The following AXL variants were observed in gnomAD, a reference collection of about 807,000 sequenced individuals.
AXL encodes the protein AXL receptor tyrosine kinase, also known as tyrosine-protein kinase receptor UFO.
In AXL, 52 loss-of-function variants were observed where a neutral mutation model predicts 104.5. The ratio of observed to expected loss-of-function variants is 0.50; its 90% CI spans 0.40 to 0.63. The LOEUF (loss-of-function observed/expected upper bound fraction) is 0.63, where lower values mean the gene tolerates loss of function less well. Ranked by LOEUF, AXL falls within the 20% of genes least tolerant of loss-of-function variation. AXL has a pLI of 0.00. For missense variants in AXL, 1,024 were observed against 1,188.5 expected (o/e 0.86, Z 2.04); for synonymous variants, 455 against 473.7 (o/e 0.96, Z 0.51).
chr19:41,254,538 G>T (rs2034423928), intron 17 of AXL, among the ~76,000 whole-genome samples: 1 of 151,822 alleles, frequency 6.6e-6, no homozygotes, highest in African/African-American at 2.4e-5. Context: ...AAGAAAAAAA[G>T]AAAAGAAAGA....
Position 41,259,747 on chromosome 19 carries a change from C to A in AXL, c.2528C>A (p.Pro843Gln). Residue 843 changes from proline (P) to glutamine (Q), a missense_variant, in exon 20 of 20, where the codon CCA (proline) becomes CAA (glutamine). By Grantham distance (76) the Pro-to-Gln change is moderately conservative. Around this residue, in one of 5 missense-constraint regions of AXL, gnomAD observed 523 missense variants for 636.0 expected, o/e 0.82. Transcript: ENST00000301178. ...PPGAAGGADP[P>Q]TQPDPKDSCS... is the part of the protein sequence containing the mutation. ...GGAGCTGCAGGAGGAGCTGACCCCC[C>A]AACCCAGCCAGACCCTAAGGATTCC... 6.2e-7 allele frequency: 1 copy of A among 1,614,118 alleles called. No individual in the cohort carries two copies. The highest frequency in any genetic ancestry group is 8.5e-7 in the Non-Finnish European group (1 of 1,180,014).
intron 10 of AXL, among the ~76,000 whole-genome samples, chr19:41,240,659 G>A (rs761630644): frequency 4.6e-5 from 7 of 151,886 alleles, no homozygotes; most frequent in Non-Finnish European, 8.8e-5. Flanking sequence ...CTTCACATAC[G>A]CTTTCCACGC....
At chr19:41,241,324 C>G (rs1051892159) in intron 10 of AXL, among the ~76,000 whole-genome samples, 1 of 152,118 alleles carries the variant, frequency 6.6e-6, no homozygotes, top group South Asian at 2.1e-4. Context: ...AGGTGGATCA[C>G]CTGAGGTCAG....
intron 6 of AXL, among the ~76,000 whole-genome samples, chr19:41,235,640 G>A (rs1227178875): frequency 6.6e-6 from 1 of 152,144 alleles, no homozygotes; most frequent in African/African-American, 2.4e-5. Context: ...TACCATTACT[G>A]ATATTCTTAC....
intron 4 of AXL, chr19:41,226,775 G>A: frequency 1.0e-6 from 1 of 985,676 alleles, no homozygotes; most frequent in Non-Finnish European, 1.2e-6. Flanking sequence ...TAAACAACAC[G>A]CAGAACTGCA....
At chr19:41,235,229 T>G (rs1274909005) in intron 6 of AXL, among the ~76,000 whole-genome samples, 1 of 152,032 alleles carries the variant, frequency 6.6e-6, no homozygotes, top group Non-Finnish European at 1.5e-5. Context: ...TGCATGCCTG[T>G]AATCCTAGCT....
At chr19:41,222,838 G>A (rs939729665) in intron 4 of AXL, among the ~76,000 whole-genome samples, 25 of 150,878 alleles carry the variant, frequency 1.7e-4, no homozygotes, top group African/African-American at 3.9e-4. Flanking sequence ...CCCGAGAGGC[G>A]GAGCTTGCAG....
In AXL at chr19:41,231,655, G is replaced by A. The variant is rs376044155; in HGVS notation, c.783+357G>A. Among the ~76,000 whole-genome samples the A allele has an allele frequency of 3.0e-4, 46 of 152,186 alleles. 1 individual carries two copies. In the South Asian group the frequency reaches 7.9e-3, roughly 26 times the overall value. ...AAATTTAACAAAATTGGCCAGGCGC[G>A]GTGGCTCACACCTGTAATCCCAGCA... On this transcript the variant is annotated intron_variant, in intron 6 of 19. Transcript: ENST00000301178.
intron 7 of AXL, 66 bp downstream of exon 7, chr19:41,238,220 C>T: frequency 1.3e-6 from 2 of 1,550,784 alleles, no homozygotes; most frequent in Non-Finnish European, 1.8e-6. Flanking sequence ...TCAGTGCCAC[C>T]CCCATTGTCC....
chr19:41,227,497 T>C (rs2033903177), intron 4 of AXL, among the ~76,000 whole-genome samples: 1 of 151,568 alleles, frequency 6.6e-6, no homozygotes, highest in South Asian at 2.1e-4. Context: ...CCTTTTTTTT[T>C]TTTTTTTAGA....
intron 4 of AXL, among the ~76,000 whole-genome samples, chr19:41,229,573 A>G (rs1034614953): frequency 2.5e-4 from 38 of 152,178 alleles, no homozygotes; most frequent in African/African-American, 6.5e-4. Flanking sequence ...CCAAGCTCCA[A>G]TATTAACAGG....
At chr19:41,237,820 A>G in intron 6 of AXL, 124 bp from the exon 7 acceptor site, 1 of 851,540 alleles carries the variant, frequency 1.2e-6, no homozygotes, top group Non-Finnish European at 1.9e-6. Context: ...CTAGCATGGC[A>G]CTGCAACACA....
At chr19:41,248,144 G>A (rs186082334) in intron 12 of AXL, among the ~76,000 whole-genome samples, 2 of 152,046 alleles carry the variant, frequency 1.3e-5, no homozygotes, top group Non-Finnish European at 1.5e-5. Context: ...GGCTGGTCTT[G>A]AACTCCTGGA....
At position 41,253,684 on chromosome 19, in the gene AXL, G is replaced by C. The variant is rs1345126131; in HGVS notation, c.2012G>C (p.Arg671Pro). ...CTGAGTACCAAGAGATTCATACACC[G>C]GGACCTGGCGGCCAGGAACTGCATG... ...EYLSTKRFIHRDLAARNCMLN... is the reference protein window; with the variant it reads ...EYLSTKRFIHPDLAARNCMLN... The change falls in exon 17 of 20, where the codon CGG (arginine) becomes CCG (proline). Residue 671 changes from arginine (R) to proline (P), a missense_variant. By Grantham distance (103) the Arg-to-Pro change is moderately radical. This residue lies in a region of AXL where 523 missense variants were observed against 636.0 expected (regional missense o/e 0.82). Coordinates refer to ENST00000301178, the MANE Select transcript of AXL (RefSeq NM_021913.5). The C allele has an allele frequency of 6.2e-7, 1 of 1,613,352 alleles. No individual in the cohort carries two copies. The highest frequency in any genetic ancestry group is 8.5e-7 in the Non-Finnish European group (1 of 1,179,786).
At position 41,254,992 on chromosome 19, in the gene AXL, C is replaced by A. The variant is rs145965051; in HGVS notation, c.2036+1284C>A. 6.6e-3 allele frequency among the ~76,000 whole-genome samples: 1,011 copies of A among 152,262 alleles called. 12 individuals are homozygous for A. Among genetic ancestry groups the A allele is most frequent in the African/African-American group, 0.023 (944 of 41,544 alleles). ...CTCGATGAATTTTTATGGGTATAGA[C>A]CCATGTAACCACTAGATGAAGGTAA... On this transcript the variant is annotated intron_variant, in intron 17 of 19. Coordinates refer to ENST00000301178, the MANE Select transcript of AXL (RefSeq NM_021913.5).
rs145274699 is a variant in AXL, at chr19:41,247,036, T to G, written c.1538-1478T>G. Among the ~76,000 whole-genome samples the G allele has an allele frequency of 3.6e-3, 548 of 152,330 alleles. 2 individuals are homozygous for G. Among genetic ancestry groups the G allele is most frequent in the African/African-American group, 0.013 (529 of 41,574 alleles). Reference sequence around the variant, plus strand: ...CAACAACTAAATTAAAACTATTTCATAGACATCATGTTGAGTGAAAGAAGC... The same window carrying G: ...CAACAACTAAATTAAAACTATTTCAGAGACATCATGTTGAGTGAAAGAAGC... On this transcript the variant is annotated intron_variant, in intron 12 of 19. Coordinates refer to ENST00000301178, the MANE Select transcript of AXL (RefSeq NM_021913.5).
intron 6 of AXL, among the ~76,000 whole-genome samples, chr19:41,236,974 G>A (rs1246018007): frequency 6.6e-6 from 1 of 151,602 alleles, no homozygotes; most frequent in Middle Eastern, 3.2e-3. Context: ...ATCAGCTATC[G>A]TTAGTGTTAG....
intron 9 of AXL, 110 bp from the exon 10 acceptor site, chr19:41,239,584 C>T: frequency 2.2e-6 from 3 of 1,339,690 alleles, no homozygotes; most frequent in Non-Finnish European, 3.1e-6. Context: ...CTCCCTTACT[C>T]GTGCCACACC....
chr19:41,250,977 G>T (rs773810795), intron 14 of AXL, among the ~76,000 whole-genome samples: 1 of 152,078 alleles, frequency 6.6e-6, no homozygotes, highest in Non-Finnish European at 1.5e-5. Context: ...TACTTGTTTG[G>T]GTCCCCAGGG....
Sources: gnomAD v4.1 joint callset for allele counts (sites outside exome capture counted in the v4.1 genomes callset) on GRCh38, gnomAD v4.1.1 for gene constraint, gnomAD v4.1.1 regional missense constraint, MANE v1.5 for transcripts, NCBI Gene and HGNC (gene_info 2026-07-23, HGNC 2026-07-21) for gene names.